The following CATSPERD variants were observed in gnomAD, a reference collection of about 807,000 sequenced individuals.
CATSPERD encodes cation channel sperm-associated auxiliary subunit delta.
In CATSPERD, 86 loss-of-function variants were observed where a neutral mutation model predicts 98.1. The ratio of observed to expected loss-of-function variants is 0.88; its 90% confidence interval spans 0.74 to 1.05. The LOEUF (loss-of-function observed/expected upper bound fraction) is 1.05. CATSPERD is among the 50% of genes least tolerant of loss of function. CATSPERD has a pLI of 0.00. For synonymous variants in CATSPERD, 394 were observed against 390.2 expected, an observed-to-expected ratio of 1.01 and a Z score of -0.12; for missense variants, 995 against 1,005.7, an observed-to-expected ratio of 0.99 and a Z score of 0.14.
In CATSPERD at chr19:5,749,257, T is replaced by G; in HGVS notation, c.987+74T>G. The G allele has an allele frequency of 1.3e-5, 14 of 1,067,462 alleles. No homozygotes were observed. In the South Asian group the frequency reaches 1.9e-4, roughly 15 times the overall value. The allele number at this position is 1,067,462 out of a possible 1,614,324, so 66.1% of individuals were successfully genotyped here. On this transcript the variant is annotated intron_variant, in intron 11 of 21. Transcript: ENST00000381624. ...CTGTCATCCCAGCACTTTGGGAGGC[T>G]GAGGTGGAAGGATCACCTGAGGTCA...
rs778891055 is a variant in CATSPERD, at chr19:5,772,837, C to T, written c.1813C>T (p.Leu605=). Residue 605 remains leucine (L), a synonymous_variant, in exon 20 of 22, where the codon CTG becomes TTG. Coordinates refer to ENST00000381624, the MANE Select transcript of CATSPERD (RefSeq NM_152784.4). ...GGTCATCGACGCCGAGTATGTGTTA[C>T]TGGAGGTGAACGGGCAGTTCTCATA... ...QEVIDAEYVL[L]EVNGQFSYSY... is the part of the protein sequence containing the mutation. The T allele has an allele frequency of 5.0e-6, 8 of 1,613,914 alleles. No homozygotes were observed. The African/African-American group carries it at 9.3e-5, about 19-fold the overall frequency.
chr19:5,748,773 C>G (rs1283286931), intron 10 of CATSPERD, among the ~76,000 whole-genome samples: 2 of 106,100 alleles, frequency 1.9e-5, no homozygotes, highest in African/African-American at 6.9e-5. Flanking sequence ...ATCTTGTTAC[C>G]CAGGCTGGAG....
chr19:5,776,817 T>C lies in CATSPERD; in HGVS notation c.2096+502T>C, dbSNP rs1409014257. Among the ~76,000 whole-genome samples the C allele has an allele frequency of 2.0e-5, 3 of 149,282 alleles. No individual in the cohort carries two copies. In the South Asian group the frequency reaches 6.3e-4, roughly 31 times the overall value. On this transcript the variant is annotated intron_variant, in intron 21 of 21. Coordinates refer to ENST00000381624, the MANE Select transcript of CATSPERD (RefSeq NM_152784.4). ...TGAACCCGGGAGGCAGAGGTTGCAG[T>C]GAGCTGAGATTGCGCCACTCACTGG...
intron 12 of CATSPERD, among the ~76,000 whole-genome samples, chr19:5,752,802 C>T (rs1008631834): frequency 6.6e-5 from 10 of 151,564 alleles, no homozygotes; most frequent in East Asian, 1.9e-4. Context: ...CCGAGGCGGG[C>T]GGATCACCTG....
intron 6 of CATSPERD, among the ~76,000 whole-genome samples, chr19:5,737,700 A>G (rs936594478): frequency 1.3e-5 from 2 of 151,868 alleles, no homozygotes; most frequent in African/African-American, 4.8e-5. Context: ...AATACAAAAA[A>G]TTAGCCAGGC....
At position 5,768,195 on chromosome 19, in the gene CATSPERD, C is replaced by T. The variant is rs1277162746; in HGVS notation, c.1587C>T (p.Ile529=). Residue 529 remains isoleucine (I), a synonymous_variant, in exon 18 of 22, where the codon ATC becomes ATT. Transcript: ENST00000381624. ...AAGTTTCCGCCTGTTCCATGGGCAT[C>T]CTGGACCCCTTGACCCTGCAAGACA... is the stretch of plus-strand genomic sequence containing the variant. ...QNKVSACSMG[I]LDPLTLQDNY... is the part of the protein sequence containing the mutation. 1 of 1,613,864 alleles carries T rather than the reference C, an allele frequency of 6.2e-7. No homozygotes were observed. Among genetic ancestry groups the T allele is most frequent in the South Asian group, 1.1e-5 (1 of 91,082 alleles).
rs555419677 is a variant in CATSPERD at position 5,773,786 on chromosome 19, A to G, written c.1941+821A>G. ...CTGAAGCGATCCTCCCATGGATTAT[A>G]GGTATAAGTCACCACGCTCAGCCTC... On this transcript the variant is annotated intron_variant, in intron 20 of 21. Coordinates refer to ENST00000381624, the MANE Select transcript of CATSPERD (RefSeq NM_152784.4). Among the ~76,000 whole-genome samples the G allele has an allele frequency of 3.3e-5, 5 of 149,352 alleles. No homozygotes were observed. The East Asian group carries it at 9.9e-4, about 30-fold the overall frequency.
chr19:5,726,573 G>A (rs2055607970), intron 2 of CATSPERD, among the ~76,000 whole-genome samples: 1 of 151,448 alleles, frequency 6.6e-6, no homozygotes, highest in African/African-American at 2.4e-5. Context: ...GTAGAGATGT[G>A]GTCTTGCTAT....
intron 5 of CATSPERD, among the ~76,000 whole-genome samples, chr19:5,736,190 G>A (rs1027548710): frequency 2.0e-5 from 3 of 152,016 alleles, no homozygotes; most frequent in African/African-American, 4.8e-5. Context: ...AGGATTACAG[G>A]TGTGAACCAC....
intron 5 of CATSPERD, among the ~76,000 whole-genome samples, 168 bp downstream of exon 5, chr19:5,734,138 C>T (rs115799580): frequency 6.6e-6 from 1 of 152,278 alleles, no homozygotes; most frequent in African/African-American, 2.4e-5. Context: ...CATCCGTAGA[C>T]TGGGAACCTA....
At chr19:5,775,481 CA>C (rs35784220) in intron 20 of CATSPERD, among the ~76,000 whole-genome samples, 34,883 of 102,780 alleles carry the variant, frequency 0.34, 4,777 homozygotes, top group East Asian at 0.58. Flanking sequence ...ACTAAAAATA[CA>C]AAAAAAAAAA....
At chr19:5,770,437 A>C (rs1375797204) in intron 18 of CATSPERD, among the ~76,000 whole-genome samples, 1 of 151,588 alleles carries the variant, frequency 6.6e-6, no homozygotes, top group African/African-American at 2.4e-5. Flanking sequence ...TCTCAAAAAA[A>C]AAAAAAAAAG....
intron 11 of CATSPERD, among the ~76,000 whole-genome samples, chr19:5,749,805 T>A (rs2056169436): frequency 2.1e-5 from 3 of 145,302 alleles, no homozygotes; most frequent in Non-Finnish European, 4.5e-5. Flanking sequence ...CCTATCTAAT[T>A]TTTTTTTTTT....
intron 6 of CATSPERD, among the ~76,000 whole-genome samples, chr19:5,738,484 A>G (rs532283309): frequency 6.6e-6 from 1 of 152,160 alleles, no homozygotes; most frequent in South Asian, 2.1e-4. Context: ...GTGAGCTGAG[A>G]TCATGCCACT....
At chr19:5,726,063 T>C (rs1370221084) in intron 2 of CATSPERD, among the ~76,000 whole-genome samples, 1 of 151,528 alleles carries the variant, frequency 6.6e-6, no homozygotes, top group Non-Finnish European at 1.5e-5. Flanking sequence ...CCTGTTAATT[T>C]TTTTTTTTTT....
intron 14 of CATSPERD, among the ~76,000 whole-genome samples, chr19:5,758,871 C>G (rs941699685): frequency 6.7e-6 from 1 of 149,100 alleles, no homozygotes; most frequent in Admixed American, 6.8e-5. Context: ...TTGCAGTGAG[C>G]CAAGATCGTG....
chr19:5,729,427 C>A (rs1005236746), intron 3 of CATSPERD, among the ~76,000 whole-genome samples: 2 of 152,104 alleles, frequency 1.3e-5, no homozygotes, highest in Admixed American at 1.3e-4. Context: ...TGTTGAAAAC[C>A]ATAAAATTTA....
At chr19:5,734,682 T>C (rs1055500737) in intron 5 of CATSPERD, among the ~76,000 whole-genome samples, 5 of 150,870 alleles carry the variant, frequency 3.3e-5, no homozygotes, top group Admixed American at 2.7e-4. Context: ...GTGCCTGTAA[T>C]CCCAGCTTAC....
At chr19:5,771,218 G>T in intron 19 of CATSPERD, 146 bp downstream of exon 19, 1 of 888,196 alleles carries the variant, frequency 1.1e-6, no homozygotes, top group Non-Finnish European at 1.7e-6. Flanking sequence ...TCCTGCCCCA[G>T]CCCCACTGGC....
Sources: gnomAD v4.1 joint callset for allele counts (sites outside exome capture counted in the v4.1 genomes callset) on GRCh38, gnomAD v4.1.1 for gene constraint, MANE v1.5 for transcripts, NCBI Gene and HGNC (gene_info 2026-07-23, HGNC 2026-07-21) for gene names.